Variants in ANKRD42 observed in about 807,000 individuals in gnomAD.
ANKRD42 encodes ankyrin repeat domain-containing protein 42.
ANKRD42 carries 43 observed loss-of-function variants against 51.5 expected under a neutral mutation model. The ratio of observed to expected loss-of-function variants is 0.83; its 90% confidence interval spans 0.65 to 1.08. ANKRD42 has a LOEUF of 1.08. Among genes scored for constraint, ANKRD42 ranks in the 50% least tolerant of loss-of-function variants. The probability of loss-of-function intolerance (pLI) is 0.00; values close to 1 mark genes in which losing one functional copy is unlikely to be tolerated. For synonymous variants in ANKRD42, 203 were observed against 213.0 expected (o/e 0.95, Z 0.41); for missense variants, 608 against 629.3 (o/e 0.97, Z 0.36).
At chr11:83,258,580 C>A (rs1230598698), downstream of ANKRD42, among the ~76,000 whole-genome samples, 1 of 152,064 alleles carries the variant, frequency 6.6e-6, no homozygotes, top group African/African-American at 2.4e-5. Flanking sequence ...AATGAGGATA[C>A]CATCTACCTA....
At chr11:83,251,376 T>C (rs187549798), downstream of ANKRD42, among the ~76,000 whole-genome samples, 383 of 152,332 alleles carry the variant, frequency 2.5e-3, 3 homozygotes, top group Non-Finnish European at 4.0e-3. Flanking sequence ...TTTTATAAGA[T>C]CACTTAACTT....
At chr11:83,245,319 T>C (rs1863510998) in intron 9 of ANKRD42, among the ~76,000 whole-genome samples, 179 bp from the exon 10 acceptor site, 1 of 152,228 alleles carries the variant, frequency 6.6e-6, no homozygotes, top group East Asian at 1.9e-4. Context: ...TGCGTGCTCA[T>C]TTTAGTATTC....
At chr11:83,209,317 C>G (rs1590971008) in intron 3 of ANKRD42, 1 of 833,008 alleles carries the variant, frequency 1.2e-6, no homozygotes, top group Non-Finnish European at 2.0e-6. Context: ...TTTCTTGAGG[C>G]CAAAGTGGGT....
intron 10 of ANKRD42, among the ~76,000 whole-genome samples, chr11:83,246,594 T>C (rs1863549518): frequency 6.6e-6 from 1 of 152,200 alleles, no homozygotes; most frequent in East Asian, 1.9e-4. Flanking sequence ...TAATCAAACA[T>C]GGGTCCAGAA....
intron 3 of ANKRD42, among the ~76,000 whole-genome samples, chr11:83,207,974 T>TC (rs937756378): frequency 6.6e-6 from 1 of 152,040 alleles, no homozygotes; most frequent in African/African-American, 2.4e-5. Flanking sequence ...AGAGAGTTTT[T>TC]CCCCCCCTCC....
intron 5 of ANKRD42, among the ~76,000 whole-genome samples, chr11:83,223,728 A>G (rs547881028): frequency 6.6e-6 from 1 of 152,290 alleles, no homozygotes; most frequent in African/African-American, 2.4e-5. Context: ...GAGGGAGGAT[A>G]GATTGATATG....
chr11:83,260,284 C>A (rs900471675), downstream of ANKRD42: 1 of 152,184 alleles, frequency 6.6e-6, no homozygotes, highest in African/African-American at 2.4e-5. Flanking sequence ...TCTGTGCACA[C>A]AGGGACTAGC....
chr11:83,232,219 A>G (rs947914419), intron 7 of ANKRD42, among the ~76,000 whole-genome samples: 1 of 151,570 alleles, frequency 6.6e-6, no homozygotes, highest in Non-Finnish European at 1.5e-5. Flanking sequence ...TGATTCTTCC[A>G]GTCTATGAAC....
rs557464461 is a variant in ANKRD42 at position 83,194,389 on chromosome 11, G to A, written c.-282G>A. 9.8e-4 allele frequency: 641 copies of A among 651,298 alleles called. 5 individuals carry two copies. Among genetic ancestry groups the A allele is most frequent in the South Asian group, 7.9e-3 (523 of 66,306 alleles). 40.3% of individuals were successfully genotyped at this position (651,298 alleles called of 1,614,324 possible). ...CAGCGTTGGTAGTTCTTGGGAGGAA[G>A]TAAGTGGAGACCGCGGCTACGCAGC... On this transcript the variant is annotated 5_prime_UTR_variant, in exon 1 of 11. Coordinates refer to ENST00000533342, the MANE Select transcript of ANKRD42 (RefSeq NM_001300975.2).
chr11:83,218,873 A>G (rs1013415885), intron 5 of ANKRD42, among the ~76,000 whole-genome samples: 1 of 152,174 alleles, frequency 6.6e-6, no homozygotes, highest in African/African-American at 2.4e-5. Flanking sequence ...ACTTCACTCC[A>G]TTTACCTTCC....
intron 5 of ANKRD42, chr11:83,214,327 A>G: frequency 3.3e-6 from 2 of 610,912 alleles, no homozygotes; most frequent in Non-Finnish European, 4.1e-6. Flanking sequence ...TTTCATATTT[A>G]TATTCCCAAT....
At chr11:83,246,058 C>T (rs1023102129) in intron 10 of ANKRD42, among the ~76,000 whole-genome samples, 2 of 152,194 alleles carry the variant, frequency 1.3e-5, no homozygotes, top group Admixed American at 6.5e-5. Context: ...ATGGTTGTCT[C>T]TGCCTTTCAC....
At chr11:83,238,371 C>T (rs950741389) in intron 8 of ANKRD42, among the ~76,000 whole-genome samples, 3 of 152,164 alleles carry the variant, frequency 2.0e-5, no homozygotes, top group Admixed American at 1.3e-4. Flanking sequence ...AAGAAACTGC[C>T]GAAGTGCCTT....
intron 11 of ANKRD42, among the ~76,000 whole-genome samples, chr11:83,254,980 T>C (rs1863741528): frequency 6.6e-6 from 1 of 152,212 alleles, no homozygotes; most frequent in African/African-American, 2.4e-5. Flanking sequence ...CATGGTTGTT[T>C]TTCCAGGCGG....
chr11:83,210,196 T>C (rs1321919370), intron 3 of ANKRD42, 104 bp from the exon 4 acceptor site: 1 of 1,127,880 alleles, frequency 8.9e-7, no homozygotes, highest in Non-Finnish European at 1.3e-6. Flanking sequence ...ACATAAGAAT[T>C]TAGCTATAGA....
intron 11 of ANKRD42, among the ~76,000 whole-genome samples, chr11:83,254,243 G>C (rs1053404601): frequency 2.0e-5 from 3 of 152,032 alleles, no homozygotes; most frequent in African/African-American, 7.2e-5. Flanking sequence ...CTAAAGTGCT[G>C]GGATTACAGA....
At chr11:83,257,939 C>A (rs1212311161), downstream of ANKRD42, among the ~76,000 whole-genome samples, 1 of 152,232 alleles carries the variant, frequency 6.6e-6, no homozygotes, top group Admixed American at 6.5e-5. Context: ...ACTAACTTCC[C>A]AGCTTGCCTT....
intron 11 of ANKRD42, among the ~76,000 whole-genome samples, chr11:83,255,598 C>A (rs1000787366): frequency 7.2e-5 from 11 of 152,124 alleles, no homozygotes; most frequent in African/African-American, 2.4e-4. Flanking sequence ...CCACTTCTTA[C>A]CCACTAAATT....
intron 10 of ANKRD42, among the ~76,000 whole-genome samples, chr11:83,247,348 C>T (rs113678860): frequency 8.5e-5 from 13 of 152,178 alleles, no homozygotes; most frequent in African/African-American, 2.9e-4. Flanking sequence ...GGGTTACAGA[C>T]GTGAGCCACC....
Sources: gnomAD v4.1 joint callset for allele counts (sites outside exome capture counted in the v4.1 genomes callset) on GRCh38, gnomAD v4.1.1 for gene constraint, MANE v1.5 for transcripts, NCBI Gene and HGNC (gene_info 2026-07-23, HGNC 2026-07-21) for gene names.